ABCA1: variants seen among roughly 807,000 people sequenced by gnomAD.
ABCA1 encodes ATP binding cassette subfamily A member 1, also known as phospholipid-transporting ATPase ABCA1.
In ABCA1, 133 loss-of-function variants were observed where a neutral mutation model predicts 262.5. The observed-to-expected ratio is 0.51, with a 90% confidence interval of 0.44 to 0.59. The LOEUF (loss-of-function observed/expected upper bound fraction) is 0.59. ABCA1 is among the 20% of genes least tolerant of loss of function. The pLI is 0.00. For synonymous variants in ABCA1, 1,022 were observed against 1,043.5 expected (o/e 0.98, Z 0.40); for missense variants, 2,452 against 2,777.5 (o/e 0.88, Z 2.63).
chr9:104,835,776 C>G (rs1452100506), intron 11 of ABCA1, among the ~76,000 whole-genome samples: 1 of 152,154 alleles, frequency 6.6e-6, no homozygotes, highest in Non-Finnish European at 1.5e-5. Flanking sequence ...GCCATGTTTA[C>G]AAGGATCTTG....
At chr9:104,887,049 G>A (rs1839239366) in intron 3 of ABCA1, among the ~76,000 whole-genome samples, 1 of 152,172 alleles carries the variant, frequency 6.6e-6, no homozygotes, top group African/African-American at 2.4e-5. Context: ...AGGCTGAGGC[G>A]GGCGAATCAC....
At chr9:104,894,295 G>A (rs1340663781) in intron 2 of ABCA1, among the ~76,000 whole-genome samples, 1 of 152,078 alleles carries the variant, frequency 6.6e-6, no homozygotes, top group Non-Finnish European at 1.5e-5. Context: ...GGCAGCAGAT[G>A]CTCAAAATAT....
Position 104,785,523 on chromosome 9 carries a change from C to A in ABCA1, c.6518G>T (p.Arg2173Leu). 1 of 1,613,424 alleles carries A rather than the reference C, an allele frequency of 6.2e-7. No homozygotes were observed. Among genetic ancestry groups the A allele is most frequent in the Non-Finnish European group, 8.5e-7 (1 of 1,179,654 alleles). ...FPGSVLKEKH[R>L]NMLQYQLPSS... ...TGGAAGCTGGTATTGTAGCATGTTCCGGTGTTTCTCTTTTAGAACACTTCC... is the reference window on the plus strand; with the variant it reads ...TGGAAGCTGGTATTGTAGCATGTTCAGGTGTTTCTCTTTTAGAACACTTCC... Residue 2173 changes from arginine (R) to leucine (L), a missense_variant, in exon 49 of 50, where the codon CGG becomes CTG. By Grantham distance (102) the Arg-to-Leu change is moderately radical. Around this residue, in one of 4 missense-constraint regions of ABCA1, gnomAD observed 752 missense variants for 944.5 expected, o/e 0.80. Transcript: ENST00000374736.
intron 5 of ABCA1, among the ~76,000 whole-genome samples, chr9:104,878,572 C>G (rs934797274): frequency 1.1e-4 from 16 of 152,060 alleles, no homozygotes; most frequent in African/African-American, 3.6e-4. Flanking sequence ...GTCACTTCCC[C>G]CTTCTGGGTC....
At chr9:104,860,817 C>T (rs1051830155) in intron 6 of ABCA1, among the ~76,000 whole-genome samples, 5 of 132,398 alleles carry the variant, frequency 3.8e-5, no homozygotes, top group African/African-American at 1.2e-4. Context: ...AGTGCAATGG[C>T]GTGATATTGG....
Position 104,826,950 on chromosome 9 carries a change from C to T in ABCA1, c.2335G>A (p.Ala779Thr), listed in dbSNP as rs201642049. Residue 779 changes from alanine to threonine, a missense_variant and splice_region_variant, in exon 16 of 50, where the codon GCT (alanine) becomes ACT (threonine). Coordinates refer to ENST00000374736, the MANE Select transcript of ABCA1 (RefSeq NM_005502.4). ...GAAGAAAGGCCAGAGGTACTCACAG[C>T]GAAGATCTTGAGTGTGAAGCCCACG... is the stretch of plus-strand genomic sequence containing the variant. ...DYVGFTLKIF[A>T]SLLSPVAFGF... 106 of 1,613,330 alleles carry T rather than the reference C, an allele frequency of 6.6e-5. No homozygotes were observed. Among genetic ancestry groups the T allele is most frequent in the Non-Finnish European group, 8.6e-5 (101 of 1,179,916 alleles).
At chr9:104,872,410 A>G (rs76749456) in intron 5 of ABCA1, among the ~76,000 whole-genome samples, 2,577 of 152,326 alleles carry the variant, frequency 0.017, 66 homozygotes, top group African/African-American at 0.059. Flanking sequence ...CTAATGTTGG[A>G]ATAAGCAACA....
intron 5 of ABCA1, among the ~76,000 whole-genome samples, chr9:104,869,854 CAGTT>C (rs1837442653): frequency 1.3e-5 from 2 of 152,250 alleles, no homozygotes; most frequent in South Asian, 4.2e-4. Context: ...TTGGGAAAGT[CAGTT>C]AGGCTCTCTG....
intron 28 of ABCA1, among the ~76,000 whole-genome samples, chr9:104,811,749 T>C (rs940612206): frequency 1.3e-5 from 2 of 152,228 alleles, no homozygotes; most frequent in Non-Finnish European, 1.5e-5. Context: ...ATGAGAACTA[T>C]CTCTATGTTG....
Position 104,822,765 on chromosome 9 carries a change from TCTCTCCATGTCCACC to T in ABCA1, c.2657-113_2657-99del, listed in dbSNP as rs1832478710. ...TGCGCTTGAACTTTCAGAAGTGCCT[TCTCTCCATGTCCACC>T]CTGGTTTCTCAGGCAGGCAGGAGGC... On this transcript the variant is annotated intron_variant, in intron 18 of 49. Transcript: ENST00000374736. 7 of 1,369,476 alleles carry T rather than the reference TCTCTCCATGTCCACC, an allele frequency of 5.1e-6. No homozygotes were observed. The South Asian group carries it at 7.1e-5, about 14-fold the overall frequency. 84.8% of individuals were successfully genotyped at this position (1,369,476 alleles called of 1,614,324 possible).
rs994130686 is a variant in ABCA1 at position 104,901,293 on chromosome 9, T to C, written c.66+2321A>G. On this transcript the variant is annotated intron_variant, in intron 2 of 49. Transcript: ENST00000374736. Reference sequence around the variant, plus strand: ...TAGTCCTGGGGATCTCAGCTTCTGGTTGCAGCTCAGTTGCTGGCTGGGTGA... The same window carrying C: ...TAGTCCTGGGGATCTCAGCTTCTGGCTGCAGCTCAGTTGCTGGCTGGGTGA... Among the ~76,000 whole-genome samples, 11 of 152,300 alleles carry C rather than the reference T, an allele frequency of 7.2e-5. No individual in the cohort carries two copies. The East Asian group carries it at 2.1e-3, about 29-fold the overall frequency.
chr9:104,788,371 T>C, intron 45 of ABCA1, 55 bp downstream of exon 45: 1 of 1,612,400 alleles, frequency 6.2e-7, no homozygotes, highest in Non-Finnish European at 8.5e-7. Flanking sequence ...AGCCATAAGG[T>C]ATATATTGTC....
In ABCA1 at chr9:104,825,663, A is replaced by C. The variant is rs1458670360; in HGVS notation, c.2542+20T>G. On this transcript the variant is annotated intron_variant, in intron 17 of 49. Coordinates refer to ENST00000374736, the MANE Select transcript of ABCA1 (RefSeq NM_005502.4). ...CAGCTAGAAGTCATATTTTCCAAAC[A>C]GATGCCCAAAGCAGTGTACCTGGAA... The C allele has an allele frequency of 6.2e-7, 1 of 1,612,664 alleles. No individual in the cohort carries two copies. The highest frequency in any genetic ancestry group is 1.3e-5 in the African/African-American group (1 of 75,028).
chr9:104,908,888 G>A (rs1444488714), intron 1 of ABCA1, among the ~76,000 whole-genome samples: 3 of 152,124 alleles, frequency 2.0e-5, no homozygotes, highest in African/African-American at 7.2e-5. Flanking sequence ...TGGGTGGAGG[G>A]GACGACAGAC....
intron 2 of ABCA1, among the ~76,000 whole-genome samples, chr9:104,901,703 C>T (rs529124075): frequency 1.3e-5 from 2 of 152,216 alleles, no homozygotes; most frequent in African/African-American, 2.4e-5. Flanking sequence ...CACTGAAAAG[C>T]GATTAGGCAC....
At chr9:104,858,258 G>T (rs1254873120) in intron 7 of ABCA1, among the ~76,000 whole-genome samples, 1 of 151,938 alleles carries the variant, frequency 6.6e-6, no homozygotes, top group African/African-American at 2.4e-5. Context: ...GAAAAAGCAG[G>T]TCTTCTCTGA....
At position 104,781,925 on chromosome 9, in the gene ABCA1, AAC is replaced by A. The variant is rs1477346329; in HGVS notation, c.*2388_*2389del. On this transcript the variant is annotated 3_prime_UTR_variant, in exon 50 of 50. Coordinates refer to ENST00000374736, the MANE Select transcript of ABCA1 (RefSeq NM_005502.4). ...GTAAAAAATTACTATTTTAAAAGGTAACACAGTATTAATGAAGATGTATAACT... is the reference window on the plus strand; with the variant it reads ...GTAAAAAATTACTATTTTAAAAGGTAACAGTATTAATGAAGATGTATAACT... 2.0e-5 allele frequency: 3 copies of A among 152,302 alleles called. No individual in the cohort carries two copies. The highest frequency in any genetic ancestry group is 2.9e-5 in the Non-Finnish European group (2 of 67,982). The allele number at this position is 152,302 out of a possible 1,614,324, so 9.4% of individuals were successfully genotyped here.
At chr9:104,921,782 G>C (rs1842152159) in intron 1 of ABCA1, among the ~76,000 whole-genome samples, 2 of 152,188 alleles carry the variant, frequency 1.3e-5, no homozygotes, top group African/African-American at 4.8e-5. Flanking sequence ...CATATTAAGT[G>C]GGATGAATTA....
intron 2 of ABCA1, among the ~76,000 whole-genome samples, chr9:104,900,908 T>C (rs1410861179): frequency 6.6e-6 from 1 of 152,250 alleles, no homozygotes; most frequent in Non-Finnish European, 1.5e-5. Context: ...GGCAGTGGTA[T>C]AACAACTTAA....
Sources: allele counts gnomAD v4.1 joint callset (sites outside exome capture counted in the v4.1 genomes callset), GRCh38; gene constraint gnomAD v4.1.1; regional missense constraint gnomAD v4.1.1; transcripts MANE v1.5; gene names NCBI Gene and HGNC (gene_info 2026-07-23, HGNC 2026-07-21).